Variants in MILR1 observed in about 807,000 individuals in gnomAD.
MILR1 encodes allergin-1.
MILR1 carries 31 observed loss-of-function variants against 18.5 expected under a neutral mutation model. The ratio of observed to expected loss-of-function variants is 1.68; its 90% CI spans 1.26 to 2.26. MILR1 has a LOEUF of 2.26. Among genes scored for constraint, MILR1 ranks in the 30% most tolerant of loss-of-function variants. MILR1 has a pLI of 0.00. For missense variants in MILR1, 257 were observed against 157.4 expected (o/e 1.63, Z -3.38); for synonymous variants, 85 against 56.2 (o/e 1.51, Z -2.30).
chr17:64,476,266 T>C, the MILR1 span, among the ~76,000 whole-genome samples: 1 of 152,200 alleles, frequency 6.6e-6, no homozygotes, highest in Non-Finnish European at 1.5e-5. Context: ...CCCAACAAAA[T>C]TGTAAATAAT....
the MILR1 span, among the ~76,000 whole-genome samples, chr17:64,487,778 G>C: frequency 1.8e-4 from 28 of 152,160 alleles, no homozygotes; most frequent in Non-Finnish European, 3.8e-4. Context: ...AGGGCAGGAG[G>C]ATCACTTGAG....
chr17:64,450,226 CTG>C (rs1223943819), intron 2 of MILR1, among the ~76,000 whole-genome samples: 1 of 152,094 alleles, frequency 6.6e-6, no homozygotes. Context: ...GCGTGAGACA[CTG>C]TAATTTATTT....
At chr17:64,459,305 A>G (rs1460337692) in intron 4 of MILR1, among the ~76,000 whole-genome samples, 1 of 152,056 alleles carries the variant, frequency 6.6e-6, no homozygotes, top group East Asian at 1.9e-4. Flanking sequence ...GTGGTGGTGC[A>G]TGCCTGTGGT....
downstream of MILR1, among the ~76,000 whole-genome samples, chr17:64,470,781 G>A (rs2037676541): frequency 1.3e-5 from 2 of 152,092 alleles, no homozygotes; most frequent in African/African-American, 2.4e-5. Flanking sequence ...CTGTCATCAG[G>A]GTTTCACAGC....
rs782089565 is a variant in MILR1, at chr17:64,466,656, G to C, written c.973G>C (p.Glu325Gln). 5.0e-6 allele frequency: 8 copies of C among 1,605,306 alleles called. No homozygotes were observed. The highest frequency in any genetic ancestry group is 2.2e-5 in the East Asian group (1 of 44,578). The change falls in exon 8 of 10, where the codon GAG becomes CAG. Residue 325 changes from glutamate to glutamine, a missense_variant. Glu to Gln is a conservative substitution (Grantham distance 29). Transcript: ENST00000619286. ...TPVFQEVAPR[E>Q]QEACDSYKSG... Reference sequence around the variant, plus strand: ...CGTGTTCCAGGAGGTGGCACCAAGAGAGCAAGGTGAGCCACAGGTTGGGAT... The same window carrying C: ...CGTGTTCCAGGAGGTGGCACCAAGACAGCAAGGTGAGCCACAGGTTGGGAT...
chr17:64,485,636 A>G, the MILR1 span: 5 of 1,017,772 alleles, frequency 4.9e-6, no homozygotes, highest in Admixed American at 3.5e-5. Flanking sequence ...TATTATTTAG[A>G]GTTTATGTTA....
At chr17:64,490,778 G>A in the MILR1 span, 2 of 1,594,582 alleles carry the variant, frequency 1.3e-6, no homozygotes, top group Admixed American at 1.7e-5. Flanking sequence ...ATACATAGGA[G>A]CTCCAGGTAA....
At chr17:64,458,958 A>T (rs1440029988) in intron 4 of MILR1, among the ~76,000 whole-genome samples, 2 of 152,286 alleles carry the variant, frequency 1.3e-5, no homozygotes, top group Admixed American at 6.5e-5. Flanking sequence ...GTCCACGTGC[A>T]TGCAAGGCCC....
In MILR1 at chr17:64,452,814, C is replaced by T. The variant is rs2037203904; in HGVS notation, c.315C>T (p.Ala105=). ...AATCAGGCCCCTACAAATGCAAAGCCCAAGTTACCAGCTGTTCAAAATACA... is the reference window on the plus strand; with the variant it reads ...AATCAGGCCCCTACAAATGCAAAGCTCAAGTTACCAGCTGTTCAAAATACA... ...AHESGPYKCK[A]QVTSCSKYSR... The change falls in exon 3 of 10, where the codon GCC becomes GCT. Residue 105 remains alanine, a synonymous_variant. Coordinates refer to ENST00000619286, the MANE Select transcript of MILR1 (RefSeq NM_001085423.2). 1 of 475,060 alleles carries T rather than the reference C, an allele frequency of 2.1e-6. No individual in the cohort carries two copies. Among genetic ancestry groups the T allele is most frequent in the East Asian group, 3.1e-5 (1 of 32,044 alleles). 29.4% of individuals were successfully genotyped at this position (475,060 alleles called of 1,614,324 possible). A position where few individuals can be genotyped will look rare whatever the true frequency, so the allele number is the denominator to read the frequency against.
the MILR1 span, chr17:64,492,950 C>T: frequency 1.2e-6 from 2 of 1,613,816 alleles, no homozygotes; most frequent in Non-Finnish European, 1.7e-6. Flanking sequence ...AAACACACTC[C>T]AATCTGAGCA....
chr17:64,497,026 C>A, the MILR1 span: 1 of 1,512,176 alleles, frequency 6.6e-7, no homozygotes, highest in Non-Finnish European at 9.1e-7. Context: ...CAACAAGCCA[C>A]CACTACCGTT....
At chr17:64,464,856 G>A (rs554879486) in intron 5 of MILR1, among the ~76,000 whole-genome samples, 116 of 152,310 alleles carry the variant, frequency 7.6e-4, no homozygotes, top group Admixed American at 7.2e-3. Context: ...ACCAGGATGC[G>A]GAGGTTGCGG....
intron 3 of MILR1, among the ~76,000 whole-genome samples, chr17:64,453,329 A>C (rs2037216975): frequency 6.6e-6 from 1 of 152,054 alleles, no homozygotes; most frequent in African/African-American, 2.4e-5. Context: ...TCAGCCTCCC[A>C]AAATGCTGGG....
At position 64,457,469 on chromosome 17, in the gene MILR1, A is replaced by G. The variant is rs2037326451; in HGVS notation, c.437A>G (p.His146Arg). 2.1e-6 allele frequency: 1 copy of G among 475,242 alleles called. No individual in the cohort carries two copies. The highest frequency in any genetic ancestry group is 3.2e-5 in the Admixed American group (1 of 31,726). 29.4% of individuals were successfully genotyped at this position (475,242 alleles called of 1,614,324 possible). The change falls in exon 4 of 10, where the codon CAT becomes CGT. Residue 146 changes from histidine to arginine, a missense_variant. Coordinates refer to ENST00000619286, the MANE Select transcript of MILR1 (RefSeq NM_001085423.2). ...QTETDRHITL[H>R]CLSVNGSLPI... ...GAAACAGACCGACATATAACATTAC[A>G]TTGCCTCTCAGTCAATGGCTCGCTG...
chr17:64,475,200 A>G, the MILR1 span, among the ~76,000 whole-genome samples: 1 of 151,956 alleles, frequency 6.6e-6, no homozygotes, highest in Non-Finnish European at 1.5e-5. Context: ...AAAAAAAAAA[A>G]AGACTTGAGG....
the MILR1 span, among the ~76,000 whole-genome samples, chr17:64,489,988 G>T: frequency 6.6e-6 from 1 of 151,526 alleles, no homozygotes; most frequent in Non-Finnish European, 1.5e-5. Flanking sequence ...GCAGTGGCAC[G>T]ATCTTGGCTC....
At chr17:64,493,800 T>A in the MILR1 span, among the ~76,000 whole-genome samples, 1 of 152,200 alleles carries the variant, frequency 6.6e-6, no homozygotes, top group Non-Finnish European at 1.5e-5. Flanking sequence ...TTTTCAAATC[T>A]ATAAGAAAGT....
chr17:64,475,958 C>A, the MILR1 span, among the ~76,000 whole-genome samples: 1 of 151,566 alleles, frequency 6.6e-6, no homozygotes, highest in Non-Finnish European at 1.5e-5. Flanking sequence ...GGATTACAGG[C>A]GCCCACCACC....
downstream of MILR1, among the ~76,000 whole-genome samples, chr17:64,469,552 C>T (rs2037655273): frequency 6.6e-6 from 1 of 152,220 alleles, no homozygotes; most frequent in African/African-American, 2.4e-5. Context: ...CGTGTGCCAC[C>T]ATGCCCGGCT....
Sources: allele counts gnomAD v4.1 joint callset (sites outside exome capture counted in the v4.1 genomes callset), GRCh38; gene constraint gnomAD v4.1.1; transcripts MANE v1.5; gene names NCBI Gene and HGNC (gene_info 2026-07-23, HGNC 2026-07-21).